MAGI2: variants seen among roughly 807,000 people sequenced by gnomAD.
The protein encoded by MAGI2 is membrane-associated guanylate kinase, WW and PDZ domain-containing protein 2.
In MAGI2, 35 loss-of-function variants were observed where a neutral mutation model predicts 133.3. The ratio of observed to expected loss-of-function variants is 0.26; its 90% CI spans 0.20 to 0.35. MAGI2 has a LOEUF of 0.35. Ranked by LOEUF, MAGI2 falls within the 10% of genes least tolerant of loss-of-function variation. The probability of loss-of-function intolerance (pLI) is 1.00; values close to 1 mark genes in which losing one functional copy is unlikely to be tolerated. For missense variants in MAGI2, 1,636 were observed against 1,863.4 expected, an observed-to-expected ratio of 0.88 and a Z score of 2.25; for synonymous variants, 729 against 710.6, an observed-to-expected ratio of 1.03 and a Z score of -0.41.
intron 1 of MAGI2, among the ~76,000 whole-genome samples, chr7:79,322,902 G>A (rs1444182774): frequency 2.0e-5 from 3 of 152,120 alleles, no homozygotes; most frequent in Admixed American, 6.6e-5. Context: ...CCAGGTTGGA[G>A]TGCAGTTCAG....
At chr7:78,845,157 T>C (rs1401330279) in intron 2 of MAGI2, among the ~76,000 whole-genome samples, 1 of 151,950 alleles carries the variant, frequency 6.6e-6, no homozygotes, top group East Asian at 1.9e-4. Flanking sequence ...GAGCATCACC[T>C]TCCATTTTCT....
At chr7:79,334,800 G>A (rs1039720809) in intron 1 of MAGI2, among the ~76,000 whole-genome samples, 2 of 152,236 alleles carry the variant, frequency 1.3e-5, no homozygotes, top group Non-Finnish European at 1.5e-5. Flanking sequence ...GACATAGTCT[G>A]TCCTCAAGAC....
At chr7:79,194,123 C>G (rs921839387) in intron 1 of MAGI2, among the ~76,000 whole-genome samples, 5 of 151,832 alleles carry the variant, frequency 3.3e-5, no homozygotes, top group African/African-American at 1.2e-4. Flanking sequence ...TTCTTACTGA[C>G]AAGATAGGCC....
intron 2 of MAGI2, among the ~76,000 whole-genome samples, chr7:78,819,219 A>G (rs1789874052): frequency 6.6e-6 from 1 of 152,116 alleles, no homozygotes; most frequent in African/African-American, 2.4e-5. Flanking sequence ...CCTACATCAC[A>G]AAGTGTTCCT....
intron 20 of MAGI2, among the ~76,000 whole-genome samples, chr7:78,103,825 C>T (rs1818414117): frequency 6.6e-6 from 1 of 152,240 alleles, no homozygotes. Context: ...TTCATGCTTG[C>T]ATGATTCAGA....
At chr7:78,580,909 A>T (rs1372793505) in intron 3 of MAGI2, among the ~76,000 whole-genome samples, 1 of 152,204 alleles carries the variant, frequency 6.6e-6, no homozygotes, top group Non-Finnish European at 1.5e-5. Context: ...CCCCATCCCA[A>T]TCAAGATAAT....
At chr7:79,225,497 G>T (rs118102243) in intron 1 of MAGI2, among the ~76,000 whole-genome samples, 1,703 of 152,206 alleles carry the variant, frequency 0.011, 24 homozygotes, top group Middle Eastern at 0.075. Context: ...TCTTTTAAAA[G>T]ATTTACAAGC....
chr7:78,959,046 C>T (rs908423972), intron 2 of MAGI2, among the ~76,000 whole-genome samples: 5 of 152,120 alleles, frequency 3.3e-5, no homozygotes, highest in African/African-American at 9.7e-5. Context: ...AACTCGGCCA[C>T]GGGCAACCTT....
intron 2 of MAGI2, among the ~76,000 whole-genome samples, chr7:78,907,794 T>C (rs1798093561): frequency 6.6e-6 from 1 of 152,148 alleles, no homozygotes; most frequent in African/African-American, 2.4e-5. Flanking sequence ...CCGTGTCTAA[T>C]AAGCCAAAAT....
intron 2 of MAGI2, among the ~76,000 whole-genome samples, chr7:78,640,357 T>A (rs991314798): frequency 1.3e-5 from 2 of 152,102 alleles, no homozygotes; most frequent in African/African-American, 4.8e-5. Flanking sequence ...TCACTGTTGC[T>A]GAGAAATGCA....
chr7:79,119,758 G>A (rs1015465348), intron 1 of MAGI2, among the ~76,000 whole-genome samples: 21 of 152,044 alleles, frequency 1.4e-4, no homozygotes, highest in Admixed American at 1.2e-3. Flanking sequence ...GAAGGGAAGG[G>A]CAAGAAAGAA....
chr7:79,363,935 AC>A (rs1842526164), intron 1 of MAGI2, among the ~76,000 whole-genome samples: 1 of 151,924 alleles, frequency 6.6e-6, no homozygotes, highest in Non-Finnish European at 1.5e-5. Context: ...TAGGCATATC[AC>A]CTGAGTAGAC....
chr7:78,916,018 A>C (rs543957979), intron 2 of MAGI2, among the ~76,000 whole-genome samples: 3 of 152,238 alleles, frequency 2.0e-5, no homozygotes, highest in Non-Finnish European at 2.9e-5. Flanking sequence ...TTTATATAAG[A>C]GAGATGGATT....
At chr7:78,633,119 T>C (rs1230089179) in intron 2 of MAGI2, among the ~76,000 whole-genome samples, 1 of 152,232 alleles carries the variant, frequency 6.6e-6, no homozygotes, top group African/African-American at 2.4e-5. Context: ...GAGGCTATTA[T>C]CCTTAGCAAA....
intron 7 of MAGI2, among the ~76,000 whole-genome samples, chr7:78,360,316 G>GA (rs1277168945): frequency 1.3e-5 from 2 of 151,682 alleles, no homozygotes; most frequent in African/African-American, 2.4e-5. Context: ...AACACCAAAG[G>GA]AAAAAAAAGT....
At chr7:79,441,202 C>A (rs1163666591) in intron 1 of MAGI2, among the ~76,000 whole-genome samples, 2 of 152,208 alleles carry the variant, frequency 1.3e-5, no homozygotes, top group Non-Finnish European at 2.9e-5. Flanking sequence ...TTGAACAAAA[C>A]TGGCATTTTG....
In MAGI2 at chr7:79,324,725, T is replaced by A. The variant is rs188818784; in HGVS notation, c.301+128295A>T. Reference sequence around the variant, plus strand: ...ATATATATTATATATGTATATAAAATATATATATATTATATATATATATAT... The same window carrying A: ...ATATATATTATATATGTATATAAAAAATATATATATTATATATATATATAT... On this transcript the variant is annotated intron_variant, in intron 1 of 21. Coordinates refer to ENST00000354212, the MANE Select transcript of MAGI2 (RefSeq NM_012301.4). Among the ~76,000 whole-genome samples, 20 of 39,148 alleles carry A rather than the reference T, an allele frequency of 5.1e-4. 3 individuals are homozygous for A. Among genetic ancestry groups the A allele is most frequent in the African/African-American group, 1.9e-3 (20 of 10,624 alleles). 25.7% of individuals were successfully genotyped at this position (39,148 alleles called of 152,430 possible).
chr7:79,048,692 G>T (rs1812394748), intron 1 of MAGI2, among the ~76,000 whole-genome samples: 1 of 152,088 alleles, frequency 6.6e-6, no homozygotes, highest in Non-Finnish European at 1.5e-5. Flanking sequence ...TATCTCAGGG[G>T]GCCTGGCACA....
At chr7:78,071,726 C>A (rs1188224976) in intron 21 of MAGI2, among the ~76,000 whole-genome samples, 2 of 152,118 alleles carry the variant, frequency 1.3e-5, no homozygotes, top group African/African-American at 4.8e-5. Flanking sequence ...CATTCTGTCC[C>A]CTTCCCTAGG....
Sources: allele counts gnomAD v4.1 joint callset (sites outside exome capture counted in the v4.1 genomes callset), GRCh38; gene constraint gnomAD v4.1.1; transcripts MANE v1.5; gene names NCBI Gene and HGNC (gene_info 2026-07-23, HGNC 2026-07-21).